The following LRFN2 variants were observed in gnomAD, a reference collection of about 807,000 sequenced individuals.
LRFN2 encodes leucine rich repeat and fibronectin type III domain containing 2.
In LRFN2, 18 loss-of-function variants were observed where a neutral mutation model predicts 37.3. The ratio of observed to expected loss-of-function variants is 0.48; its 90% CI spans 0.33 to 0.72. The LOEUF (loss-of-function observed/expected upper bound fraction) is 0.72, where lower values mean the gene tolerates loss of function less well. Among genes scored for constraint, LRFN2 ranks in the 30% least tolerant of loss-of-function variants. LRFN2 has a pLI of 0.02. For missense variants in LRFN2, 1,006 were observed against 1,060.7 expected, an observed-to-expected ratio of 0.95 and a Z score of 0.72; for synonymous variants, 556 against 466.6, an observed-to-expected ratio of 1.19 and a Z score of -2.47.
chr6:40,485,159 A>T (rs1208620254), intron 1 of LRFN2, among the ~76,000 whole-genome samples: 3 of 152,210 alleles, frequency 2.0e-5, no homozygotes, highest in Non-Finnish European at 4.4e-5. Context: ...AAAATGTTCA[A>T]CTATCAGCCA....
At chr6:40,511,516 AG>A (rs1765708895) in intron 1 of LRFN2, among the ~76,000 whole-genome samples, 1 of 152,206 alleles carries the variant, frequency 6.6e-6, no homozygotes, top group Admixed American at 6.5e-5. Flanking sequence ...ACTGGTAAGC[AG>A]CAAGGGGGTC....
At chr6:40,469,083 A>C (rs1056085108) in intron 1 of LRFN2, among the ~76,000 whole-genome samples, 7 of 152,204 alleles carry the variant, frequency 4.6e-5, no homozygotes, top group African/African-American at 1.7e-4. Context: ...GGTGGGCCCT[A>C]AATCCCATGA....
At chr6:40,435,052 TAGAGAGAGAGAG>T (rs1202054790) in intron 1 of LRFN2, among the ~76,000 whole-genome samples, 64 of 37,514 alleles carry the variant, frequency 1.7e-3, no homozygotes, top group African/African-American at 5.3e-3. Flanking sequence ...TATATATATA[TAGAGAGAGAGAG>T]AGAGAGAGAG....
chr6:40,422,985 G>A (rs1011481688), intron 2 of LRFN2, among the ~76,000 whole-genome samples: 2 of 152,196 alleles, frequency 1.3e-5, no homozygotes, highest in Non-Finnish European at 1.5e-5. Context: ...ATAACATGTG[G>A]AGAAATTAGT....
rs549809025 is a variant in LRFN2 at position 40,565,801 on chromosome 6, A to T, written c.-19+21140T>A. 4.1e-3 allele frequency among the ~76,000 whole-genome samples: 630 copies of T among 151,876 alleles called. 5 individuals are homozygous for T. Among genetic ancestry groups the T allele is most frequent in the Non-Finnish European group, 6.5e-3 (444 of 67,934 alleles). ...AAAACCCTAGAAGAAAACCTAGGCA[A>T]TACCATTCAGGACATAGGCATGGGC... On this transcript the variant is annotated intron_variant, in intron 1 of 2. Coordinates refer to ENST00000338305, the MANE Select transcript of LRFN2 (RefSeq NM_020737.3).
chr6:40,556,774 C>G (rs945697294), intron 1 of LRFN2, among the ~76,000 whole-genome samples: 1 of 151,290 alleles, frequency 6.6e-6, no homozygotes. Context: ...TACTGATGCT[C>G]TTGGCCACCT....
intron 1 of LRFN2, among the ~76,000 whole-genome samples, chr6:40,466,725 C>T (rs1325144296): frequency 5.3e-5 from 8 of 152,040 alleles, no homozygotes; most frequent in East Asian, 1.9e-4. Context: ...ATTTTTTAGC[C>T]GTAAAATGAG....
At chr6:40,478,146 C>T (rs1764748841) in intron 1 of LRFN2, among the ~76,000 whole-genome samples, 1 of 152,156 alleles carries the variant, frequency 6.6e-6, no homozygotes, top group African/African-American at 2.4e-5. Flanking sequence ...CTCTTCCTCT[C>T]AGATGGAATG....
At chr6:40,442,145 C>T (rs2113834874) in intron 1 of LRFN2, among the ~76,000 whole-genome samples, 1 of 152,284 alleles carries the variant, frequency 6.6e-6, no homozygotes, top group East Asian at 1.9e-4. Flanking sequence ...TCACCCTTTC[C>T]CTAGTACCCA....
chr6:40,503,532 T>C (rs577237174), intron 1 of LRFN2, among the ~76,000 whole-genome samples: 1 of 152,294 alleles, frequency 6.6e-6, no homozygotes, highest in East Asian at 1.9e-4. Context: ...TTGGGGACTT[T>C]TAAGACATCC....
At chr6:40,518,601 G>A (rs1190329382) in intron 1 of LRFN2, among the ~76,000 whole-genome samples, 1 of 152,160 alleles carries the variant, frequency 6.6e-6, no homozygotes, top group Non-Finnish European at 1.5e-5. Flanking sequence ...AATGCCCCAG[G>A]AAAGCTGGCT....
At chr6:40,435,014 CATATAT>C (rs368583078) in intron 1 of LRFN2, among the ~76,000 whole-genome samples, 1,096 of 47,850 alleles carry the variant, frequency 0.023, 10 homozygotes, top group African/African-American at 0.024. Flanking sequence ...AATGGTTTTA[CATATAT>C]ATATATATAT....
chr6:40,437,179 G>C (rs1408419193), intron 1 of LRFN2, among the ~76,000 whole-genome samples: 2 of 152,168 alleles, frequency 1.3e-5, no homozygotes, highest in Non-Finnish European at 2.9e-5. Context: ...CCAGGGCCAA[G>C]GCTATTCATG....
chr6:40,473,833 T>A (rs1398865298), intron 1 of LRFN2, among the ~76,000 whole-genome samples: 1 of 152,166 alleles, frequency 6.6e-6, no homozygotes, highest in Non-Finnish European at 1.5e-5. Context: ...GAACATATCA[T>A]CCCTATATTA....
chr6:40,567,817 C>G (rs141275590), intron 1 of LRFN2, among the ~76,000 whole-genome samples: 1,922 of 152,264 alleles, frequency 0.013, 14 homozygotes, highest in Non-Finnish European at 0.019. Context: ...CCTGGCCTGG[C>G]TAAAGCGGAG....
chr6:40,422,873 C>T (rs1423392020), intron 2 of LRFN2, among the ~76,000 whole-genome samples: 1 of 152,170 alleles, frequency 6.6e-6, no homozygotes, highest in Non-Finnish European at 1.5e-5. Flanking sequence ...AGCTTCATTT[C>T]AGAAAAGAGG....
intron 2 of LRFN2, among the ~76,000 whole-genome samples, chr6:40,398,217 C>T (rs1284088324): frequency 2.0e-5 from 3 of 151,780 alleles, no homozygotes; most frequent in Middle Eastern, 3.4e-3. Flanking sequence ...CACCAGATGC[C>T]AGAACACACC....
At position 40,519,027 on chromosome 6, in the gene LRFN2, C is replaced by A. The variant is rs191298776; in HGVS notation, c.-19+67914G>T. ...AGGGCAGATCTGAGCATGACCAGGG[C>A]AAACCCCAGGGGTGCTAACCATAGG... On this transcript the variant is annotated intron_variant, in intron 1 of 2. Transcript: ENST00000338305. Among the ~76,000 whole-genome samples, 417 of 152,220 alleles carry A rather than the reference C, an allele frequency of 2.7e-3. 1 individual carries two copies. Among genetic ancestry groups the A allele is most frequent in the Non-Finnish European group, 4.1e-3 (280 of 68,014 alleles).
intron 1 of LRFN2, among the ~76,000 whole-genome samples, chr6:40,580,600 A>C (rs908983528): frequency 2.0e-5 from 3 of 152,148 alleles, no homozygotes; most frequent in Non-Finnish European, 4.4e-5. Flanking sequence ...CCATATACAA[A>C]AGAAGACATG....
Sources: allele counts gnomAD v4.1 joint callset (sites outside exome capture counted in the v4.1 genomes callset), GRCh38; gene constraint gnomAD v4.1.1; transcripts MANE v1.5; gene names NCBI Gene and HGNC (gene_info 2026-07-23, HGNC 2026-07-21).